IL1RAPL2: variants seen among roughly 807,000 people sequenced by gnomAD.
The protein encoded by IL1RAPL2 is X-linked interleukin-1 receptor accessory protein-like 2.
Under a neutral mutation model 44.1 loss-of-function variants are expected in IL1RAPL2, and 3 were observed. The observed-to-expected ratio is 0.07, with a 90% CI of 0.03 to 0.18. IL1RAPL2 has a LOEUF of 0.18. Ranked by LOEUF, IL1RAPL2 falls within the 10% of genes least tolerant of loss-of-function variation. IL1RAPL2 has a pLI of 1.00. For synonymous variants in IL1RAPL2, 181 were observed against 178.8 expected, an observed-to-expected ratio of 1.01 and a Z score of -0.10; for missense variants, 391 against 496.4, an observed-to-expected ratio of 0.79 and a Z score of 2.02.
intron 6 of IL1RAPL2, among the ~76,000 whole-genome samples, chrX:105,681,527 G>A (rs2037925429): frequency 8.9e-6 from 1 of 112,374 alleles, no homozygotes; most frequent in South Asian, 3.6e-4. Context: ...GGAGGCCAAG[G>A]CGGGTAGATC....
chrX:105,319,896 A>C (rs181668668), intron 5 of IL1RAPL2, among the ~76,000 whole-genome samples: 5 of 111,251 alleles, frequency 4.5e-5, no homozygotes, highest in Non-Finnish European at 9.4e-5. Context: ...GCCAGCAAAA[A>C]TGACAGAGCT....
chrX:104,803,713 A>G (rs1214259688), intron 2 of IL1RAPL2, among the ~76,000 whole-genome samples: 3 of 112,605 alleles, frequency 2.7e-5, no homozygotes, highest in African/African-American at 9.7e-5. Context: ...ACCATAGTTT[A>G]TCCATTCTTC....
chrX:105,017,532 G>T (rs2031205376), intron 2 of IL1RAPL2, among the ~76,000 whole-genome samples: 1 of 111,197 alleles, frequency 9.0e-6, no homozygotes, highest in Non-Finnish European at 1.9e-5. Context: ...TTTCTGAATT[G>T]TTCTTTGAGA....
At chrX:105,034,876 G>T (rs1203944371) in intron 2 of IL1RAPL2, among the ~76,000 whole-genome samples, 1 of 112,273 alleles carries the variant, frequency 8.9e-6, no homozygotes, top group Non-Finnish European at 1.9e-5. Flanking sequence ...TCCTTGAGCT[G>T]TGGTGGGCTC....
chrX:104,668,338 T>G (rs769534654), intron 2 of IL1RAPL2, among the ~76,000 whole-genome samples: 14 of 109,169 alleles, frequency 1.3e-4, no homozygotes, highest in African/African-American at 4.3e-4. Flanking sequence ...TTTTTATTAT[T>G]ATTATACTTT....
At chrX:105,763,582 G>A (rs2038704874) in intron 10 of IL1RAPL2, among the ~76,000 whole-genome samples, 1 of 109,194 alleles carries the variant, frequency 9.2e-6, no homozygotes, top group Admixed American at 9.9e-5. Flanking sequence ...GAGCGAGAAA[G>A]AAAACAAGTA....
chrX:105,500,110 A>G (rs377055043), intron 6 of IL1RAPL2, among the ~76,000 whole-genome samples: 1 of 111,605 alleles, frequency 9.0e-6, no homozygotes, highest in Admixed American at 9.5e-5. Flanking sequence ...TTCTGTTTAC[A>G]TGAGGTTTTT....
chrX:105,095,996 T>A (rs777287245), intron 2 of IL1RAPL2, among the ~76,000 whole-genome samples: 1 of 111,496 alleles, frequency 9.0e-6, no homozygotes, highest in South Asian at 3.7e-4. Flanking sequence ...AACTCAACAA[T>A]GAAAACACAC....
At chrX:105,686,748 AC>A (rs1282185322) in intron 6 of IL1RAPL2, among the ~76,000 whole-genome samples, 1 of 111,672 alleles carries the variant, frequency 9.0e-6, no homozygotes, top group East Asian at 2.8e-4. Context: ...AGAACTCTCC[AC>A]CCCAAATCAA....
chrX:104,746,622 A>G (rs1391221425), intron 2 of IL1RAPL2, among the ~76,000 whole-genome samples: 1 of 111,658 alleles, frequency 9.0e-6, no homozygotes, highest in Non-Finnish European at 1.9e-5. Flanking sequence ...ATGAGTCAGA[A>G]CTTTTTTTCT....
intron 3 of IL1RAPL2, among the ~76,000 whole-genome samples, chrX:105,229,236 A>C (rs1556192853): frequency 8.9e-6 from 1 of 112,207 alleles, no homozygotes; most frequent in African/African-American, 3.2e-5. Flanking sequence ...AAATAATGCA[A>C]GATTGTTAGC....
At chrX:104,578,927 CAT>C (rs1928292007) in intron 1 of IL1RAPL2, among the ~76,000 whole-genome samples, 1 of 111,614 alleles carries the variant, frequency 9.0e-6, no homozygotes, top group African/African-American at 3.3e-5. Flanking sequence ...AAAATTATCA[CAT>C]AGCTATATTT....
intron 2 of IL1RAPL2, among the ~76,000 whole-genome samples, chrX:104,675,045 A>C (rs1486782965): frequency 9.2e-6 from 1 of 108,212 alleles, no homozygotes; most frequent in African/African-American, 3.4e-5. Flanking sequence ...CTTTCAAAAA[A>C]CCAGCTCCTG....
chrX:105,521,046 T>C lies in IL1RAPL2; in HGVS notation c.772+36659T>C, dbSNP rs1388444679. The stretch of plus-strand genomic sequence containing the variant: ...ACCTCCTTGGTTCACGCCATTCTCC[T>C]GCCTCAGCCTCCCGAGTAGCTGGGA... On this transcript the variant is annotated intron_variant, in intron 6 of 10. Coordinates refer to ENST00000372582, the MANE Select transcript of IL1RAPL2 (RefSeq NM_017416.2). 2.0e-5 allele frequency among the ~76,000 whole-genome samples: 2 copies of C among 99,639 alleles called. 1 individual carries two copies. The highest frequency in any genetic ancestry group is 7.3e-5 in the African/African-American group (2 of 27,552). 86.5% of individuals were successfully genotyped at this position (99,639 alleles called of 115,157 possible).
At chrX:104,677,754 G>T (rs1471580870) in intron 2 of IL1RAPL2, among the ~76,000 whole-genome samples, 1 of 111,952 alleles carries the variant, frequency 8.9e-6, no homozygotes, top group Non-Finnish European at 1.9e-5. Flanking sequence ...GCGAGACTCC[G>T]TGGGGTAGGA....
intron 6 of IL1RAPL2, among the ~76,000 whole-genome samples, chrX:105,665,473 C>T: frequency 9.1e-6 from 1 of 109,600 alleles, no homozygotes; most frequent in Non-Finnish European, 1.9e-5. Context: ...AAACCTGTTA[C>T]CTCTTTATGG....
At chrX:105,562,582 G>A (rs1053107852) in intron 6 of IL1RAPL2, among the ~76,000 whole-genome samples, 6 of 108,447 alleles carry the variant, frequency 5.5e-5, no homozygotes, top group Non-Finnish European at 1.1e-4. Flanking sequence ...ATGTCTTAGG[G>A]AACTTAATTA....
intron 2 of IL1RAPL2, among the ~76,000 whole-genome samples, chrX:104,796,429 G>A (rs1034819663): frequency 1.2e-4 from 13 of 112,153 alleles, no homozygotes; most frequent in African/African-American, 4.2e-4. Flanking sequence ...AAAACAGGAG[G>A]GTTGGCGGTG....
At chrX:105,507,904 A>G (rs2036442353) in intron 6 of IL1RAPL2, among the ~76,000 whole-genome samples, 1 of 111,710 alleles carries the variant, frequency 9.0e-6, no homozygotes, top group Admixed American at 9.5e-5. Context: ...TAGTGGAGCC[A>G]TGTCTACAAA....
Sources: gnomAD v4.1 joint callset for allele counts (sites outside exome capture counted in the v4.1 genomes callset) on GRCh38, gnomAD v4.1.1 for gene constraint, MANE v1.5 for transcripts, NCBI Gene and HGNC (gene_info 2026-07-23, HGNC 2026-07-21) for gene names.